Variants in SPIDR observed in about 807,000 individuals in gnomAD.
SPIDR encodes DNA repair-scaffolding protein.
A neutral mutation model predicts 104.6 loss-of-function variants in SPIDR; 93 were observed. That is an observed-to-expected ratio of 0.89 (90% CI 0.75 to 1.06). The LOEUF is 1.06. SPIDR is among the 50% of genes least tolerant of loss of function. SPIDR has a pLI of 0.00. For missense variants in SPIDR, 1,154 were observed against 1,111.2 expected (o/e 1.04, Z -0.55); for synonymous variants, 431 against 416.9 (o/e 1.03, Z -0.41).
At chr8:47,312,157 G>A (rs2044306174) in intron 5 of SPIDR, among the ~76,000 whole-genome samples, 1 of 152,162 alleles carries the variant, frequency 6.6e-6, no homozygotes, top group Admixed American at 6.5e-5. Flanking sequence ...CTTTGCTATT[G>A]TGAATAGTGC....
intron 5 of SPIDR, among the ~76,000 whole-genome samples, chr8:47,368,243 T>C (rs1351801950): frequency 6.8e-6 from 1 of 146,174 alleles, no homozygotes; most frequent in African/African-American, 2.5e-5. Context: ...TACCACCACA[T>C]TGGTGATTAG....
At chr8:47,524,621 C>G (rs1399480974) in intron 8 of SPIDR, among the ~76,000 whole-genome samples, 1 of 152,200 alleles carries the variant, frequency 6.6e-6, no homozygotes, top group Non-Finnish European at 1.5e-5. Context: ...GCACGTCTTG[C>G]GGGTGCCTGG....
chr8:47,387,083 A>G (rs2060039210), intron 5 of SPIDR, among the ~76,000 whole-genome samples: 1 of 152,206 alleles, frequency 6.6e-6, no homozygotes, highest in South Asian at 2.1e-4. Context: ...ACCTTGAAAC[A>G]TGAGAAAGAC....
intron 19 of SPIDR, among the ~76,000 whole-genome samples, chr8:47,733,505 C>T (rs1355775836): frequency 1.3e-5 from 2 of 151,010 alleles, no homozygotes; most frequent in Non-Finnish European, 3.0e-5. Context: ...TACTTTTACT[C>T]CAGAAGACCA....
chr8:47,687,637 A>G (rs2077992547), intron 11 of SPIDR, among the ~76,000 whole-genome samples: 1 of 152,216 alleles, frequency 6.6e-6, no homozygotes, highest in Admixed American at 6.5e-5. Flanking sequence ...TTAAGCCACC[A>G]CTGTAATTCA....
At chr8:47,693,037 C>A (rs2078891803) in intron 11 of SPIDR, among the ~76,000 whole-genome samples, 1 of 152,176 alleles carries the variant, frequency 6.6e-6, no homozygotes, top group Non-Finnish European at 1.5e-5. Flanking sequence ...CACTGCTATT[C>A]TAATCTTGTT....
chr8:47,466,899 A>AT (rs1554717508), intron 8 of SPIDR, among the ~76,000 whole-genome samples: 1,448 of 75,336 alleles, frequency 0.019, 29 homozygotes, highest in South Asian at 0.028. Flanking sequence ...AAAAAAAAAA[A>AT]AATATATATA....
chr8:47,671,166 TC>T (rs2075740255), intron 10 of SPIDR, among the ~76,000 whole-genome samples: 1 of 152,152 alleles, frequency 6.6e-6, no homozygotes, highest in Non-Finnish European at 1.5e-5. Flanking sequence ...CGCCTCAGCC[TC>T]CCAAAGTGCT....
At chr8:47,604,902 A>G (rs1420539966) in intron 10 of SPIDR, among the ~76,000 whole-genome samples, 6 of 152,206 alleles carry the variant, frequency 3.9e-5, no homozygotes, top group African/African-American at 1.4e-4. Context: ...GGGAGCTCTC[A>G]GCCTATGTCT....
intron 5 of SPIDR, among the ~76,000 whole-genome samples, chr8:47,326,830 C>G (rs1051485659): frequency 5.9e-5 from 9 of 152,152 alleles, no homozygotes; most frequent in Non-Finnish European, 1.0e-4. Context: ...ATGTATATGC[C>G]ACACGTTGTT....
intron 3 of SPIDR, among the ~76,000 whole-genome samples, chr8:47,290,037 C>T (rs2039613343): frequency 6.6e-6 from 1 of 151,806 alleles, no homozygotes; most frequent in African/African-American, 2.4e-5. Flanking sequence ...TTTATATAAC[C>T]TTTTTGTGTG....
At chr8:47,293,199 T>C (rs1437088374) in intron 4 of SPIDR, among the ~76,000 whole-genome samples, 5 of 151,698 alleles carry the variant, frequency 3.3e-5, no homozygotes, top group Non-Finnish European at 5.9e-5. Flanking sequence ...GGATCATAGC[T>C]CACCGCAGTT....
chr8:47,705,524 G>A (rs189823338), intron 14 of SPIDR, among the ~76,000 whole-genome samples: 34 of 152,302 alleles, frequency 2.2e-4, no homozygotes, highest in South Asian at 1.0e-3. Context: ...GGGCCAGTCC[G>A]TAGTTAAGCC....
At chr8:47,506,091 C>G (rs1220786789) in intron 8 of SPIDR, among the ~76,000 whole-genome samples, 1 of 152,138 alleles carries the variant, frequency 6.6e-6, no homozygotes, top group Non-Finnish European at 1.5e-5. Context: ...TCCTTTGTTT[C>G]TTGTAATGCT....
chr8:47,580,592 T>C (rs538678629), intron 8 of SPIDR, among the ~76,000 whole-genome samples: 1 of 152,324 alleles, frequency 6.6e-6, no homozygotes, highest in South Asian at 2.1e-4. Context: ...CTTCCTCCCA[T>C]GTCATCGTGT....
At chr8:47,564,699 AAAG>A (rs1054330021) in intron 8 of SPIDR, among the ~76,000 whole-genome samples, 9 of 152,214 alleles carry the variant, frequency 5.9e-5, no homozygotes, top group African/African-American at 2.2e-4. Flanking sequence ...AAAAAAAAAA[AAAG>A]AATTCAGTAG....
At chr8:47,518,135 A>G (rs1265023239) in intron 8 of SPIDR, among the ~76,000 whole-genome samples, 2 of 152,236 alleles carry the variant, frequency 1.3e-5, no homozygotes, top group Non-Finnish European at 2.9e-5. Flanking sequence ...TCCATGTGAA[A>G]GAGTGCATTG....
At chr8:47,629,154 A>G (rs2066660440) in intron 10 of SPIDR, among the ~76,000 whole-genome samples, 1 of 152,202 alleles carries the variant, frequency 6.6e-6, no homozygotes, top group Admixed American at 6.5e-5. Flanking sequence ...CCCCTAGAAT[A>G]GGGTAGACAG....
chr8:47,672,782 G>C (rs1184430042), intron 10 of SPIDR, among the ~76,000 whole-genome samples: 2 of 152,168 alleles, frequency 1.3e-5, no homozygotes, highest in Non-Finnish European at 2.9e-5. Context: ...CTTTGTGTTT[G>C]ATTTTTATTT....
Sources: gnomAD v4.1 joint callset for allele counts (sites outside exome capture counted in the v4.1 genomes callset) on GRCh38, gnomAD v4.1.1 for gene constraint, MANE v1.5 for transcripts, NCBI Gene and HGNC (gene_info 2026-07-23, HGNC 2026-07-21) for gene names.